FSTL5: variants seen among roughly 807,000 people sequenced by gnomAD.
FSTL5 encodes follistatin-related protein 5.
FSTL5 carries 62 observed loss-of-function variants against 89.1 expected under a neutral mutation model. That is an observed-to-expected ratio of 0.70 (90% confidence interval 0.57 to 0.86). The LOEUF (loss-of-function observed/expected upper bound fraction) is 0.86, where lower values mean the gene tolerates loss of function less well. FSTL5 is among the 40% of genes least tolerant of loss of function. The pLI, the probability that FSTL5 is intolerant of heterozygous loss-of-function variation, is 0.00. For synonymous variants in FSTL5, 383 were observed against 346.2 expected (o/e 1.11, Z -1.18); for missense variants, 1,057 against 1,001.6 (o/e 1.06, Z -0.75).
In FSTL5 at chr4:161,608,164, C is replaced by A. The variant is rs1258027982; in HGVS notation, c.895-20589G>T. 2.0e-5 allele frequency among the ~76,000 whole-genome samples: 3 copies of A among 152,216 alleles called. No individual in the cohort carries two copies. In the East Asian group the frequency reaches 5.8e-4, roughly 29 times the overall value. On this transcript the variant is annotated intron_variant, in intron 7 of 15. Coordinates refer to ENST00000306100, the MANE Select transcript of FSTL5 (RefSeq NM_020116.5). ...TAGATATCAGGAGCAAATTAAATGA[C>A]ATTTTGGAAAATGCTGTGTAAATTA...
intron 6 of FSTL5, among the ~76,000 whole-genome samples, chr4:161,721,644 C>T (rs570236193): frequency 6.6e-6 from 1 of 152,150 alleles, no homozygotes; most frequent in Non-Finnish European, 1.5e-5. Flanking sequence ...CTTCTTCATT[C>T]TTTCCTTGTA....
At chr4:161,998,878 A>T (rs1395618801) in intron 3 of FSTL5, among the ~76,000 whole-genome samples, 1 of 151,590 alleles carries the variant, frequency 6.6e-6, no homozygotes, top group East Asian at 1.9e-4. Context: ...ACACACACAC[A>T]CACACACACA....
At position 161,495,270 on chromosome 4, in the gene FSTL5, A is replaced by G. The variant is rs147426666; in HGVS notation, c.1458+4746T>C. ...TGGCTGAATGTAAAAGTATCAAAGA[A>G]TAAAAGAGTGATAGATAAGGATGGA... On this transcript the variant is annotated intron_variant, in intron 12 of 15. Coordinates refer to ENST00000306100, the MANE Select transcript of FSTL5 (RefSeq NM_020116.5). The G allele has an allele frequency of 2.2e-3, 328 of 152,328 alleles. 1 individual carries two copies. Among genetic ancestry groups the G allele is most frequent in the African/African-American group, 7.7e-3 (322 of 41,582 alleles). 9.4% of individuals were successfully genotyped at this position (152,328 alleles called of 1,614,324 possible).
intron 13 of FSTL5, among the ~76,000 whole-genome samples, chr4:161,470,131 T>C (rs573186994): frequency 1.1e-4 from 16 of 152,352 alleles, no homozygotes; most frequent in African/African-American, 2.9e-4. Flanking sequence ...GTAATTTTTC[T>C]TTGATTGCTT....
chr4:161,391,906 C>T (rs190833414), intron 15 of FSTL5, among the ~76,000 whole-genome samples: 2 of 152,278 alleles, frequency 1.3e-5, no homozygotes, highest in Non-Finnish European at 2.9e-5. Flanking sequence ...TATTCTCCCA[C>T]CTGAATAAGT....
chr4:161,439,806 A>T (rs1285351305), intron 15 of FSTL5, among the ~76,000 whole-genome samples: 2 of 152,150 alleles, frequency 1.3e-5, no homozygotes, highest in Non-Finnish European at 2.9e-5. Context: ...TGATACTTTC[A>T]AATTTTTTAT....
intron 10 of FSTL5, among the ~76,000 whole-genome samples, chr4:161,517,075 G>A (rs1730869248): frequency 6.6e-6 from 1 of 152,072 alleles, no homozygotes; most frequent in African/African-American, 2.4e-5. Flanking sequence ...TTTTCATAGA[G>A]ATGGGGTTTC....
intron 6 of FSTL5, among the ~76,000 whole-genome samples, chr4:161,743,786 G>T (rs2126774463): frequency 6.6e-6 from 1 of 152,168 alleles, no homozygotes; most frequent in East Asian, 1.9e-4. Context: ...ATATACTTTG[G>T]TTATAAAATT....
intron 7 of FSTL5, among the ~76,000 whole-genome samples, chr4:161,624,616 C>T (rs1006307669): frequency 1.3e-5 from 2 of 151,644 alleles, no homozygotes; most frequent in Admixed American, 6.6e-5. Flanking sequence ...TGATTGTATG[C>T]TCTTCATATT....
intron 2 of FSTL5, among the ~76,000 whole-genome samples, chr4:162,070,556 T>C (rs1156769060): frequency 6.6e-6 from 1 of 151,832 alleles, no homozygotes; most frequent in African/African-American, 2.4e-5. Context: ...TCTAGTTTTA[T>C]TCTTCGACAT....
intron 2 of FSTL5, among the ~76,000 whole-genome samples, chr4:162,106,040 C>A (rs908276324): frequency 6.6e-6 from 1 of 152,130 alleles, no homozygotes; most frequent in South Asian, 2.1e-4. Context: ...ATCTATCACT[C>A]TTTAATATCG....
intron 3 of FSTL5, among the ~76,000 whole-genome samples, chr4:162,021,097 A>C (rs976985397): frequency 5.8e-4 from 88 of 152,244 alleles, no homozygotes; most frequent in African/African-American, 1.8e-3. Flanking sequence ...TACATTTTTC[A>C]ATTGAATCCT....
chr4:161,986,631 T>C (rs190746342), intron 3 of FSTL5, among the ~76,000 whole-genome samples: 145 of 152,342 alleles, frequency 9.5e-4, no homozygotes, highest in African/African-American at 3.3e-3. Flanking sequence ...TTAGTTCAAA[T>C]ATATGCACAT....
intron 4 of FSTL5, among the ~76,000 whole-genome samples, chr4:161,850,250 T>C (rs951680969): frequency 6.6e-6 from 1 of 152,226 alleles, no homozygotes; most frequent in African/African-American, 2.4e-5. Context: ...TTACTATTTA[T>C]ACGGAATAAT....
At chr4:161,614,960 A>T (rs1429316275) in intron 7 of FSTL5, among the ~76,000 whole-genome samples, 1 of 152,152 alleles carries the variant, frequency 6.6e-6, no homozygotes, top group Non-Finnish European at 1.5e-5. Context: ...AACTGTAATC[A>T]ATCAACAAAG....
chr4:161,771,519 C>T (rs938650780), intron 5 of FSTL5, among the ~76,000 whole-genome samples: 3 of 152,042 alleles, frequency 2.0e-5, no homozygotes, highest in Non-Finnish European at 2.9e-5. Context: ...TTCTTAACCA[C>T]TATGTTATGA....
intron 6 of FSTL5, among the ~76,000 whole-genome samples, chr4:161,705,023 T>A (rs1028303991): frequency 1.3e-5 from 2 of 152,126 alleles, no homozygotes; most frequent in Non-Finnish European, 2.9e-5. Flanking sequence ...GGTATATACA[T>A]CTGTATTCTT....
intron 4 of FSTL5, among the ~76,000 whole-genome samples, chr4:161,792,177 C>A (rs1433053896): frequency 6.6e-6 from 1 of 152,142 alleles, no homozygotes; most frequent in Non-Finnish European, 1.5e-5. Flanking sequence ...CGAGCCCAGG[C>A]ACTATCATAA....
chr4:161,866,726 A>G (rs1048017464), intron 4 of FSTL5, among the ~76,000 whole-genome samples: 75 of 152,100 alleles, frequency 4.9e-4, no homozygotes, highest in African/African-American at 1.7e-3. Context: ...AATATAAAAT[A>G]TATGTATTAC....
Sources: allele counts gnomAD v4.1 joint callset (sites outside exome capture counted in the v4.1 genomes callset), GRCh38; gene constraint gnomAD v4.1.1; transcripts MANE v1.5; gene names NCBI Gene and HGNC (gene_info 2026-07-23, HGNC 2026-07-21).